The following NBPF9 variants were observed in gnomAD, a reference collection of about 807,000 sequenced individuals.
The protein encoded by NBPF9 is NBPF member 9.
Under a neutral mutation model 97.8 loss-of-function variants are expected in NBPF9, and 91 were observed. The ratio of observed to expected loss-of-function variants is 0.93; its 90% CI spans 0.79 to 1.11. The LOEUF is 1.11. NBPF9 is among the 50% of genes least tolerant of loss of function. NBPF9 has a pLI of 0.00. For missense variants in NBPF9, 992 were observed against 939.5 expected (o/e 1.06, Z -0.73); for synonymous variants, 334 against 359.5 (o/e 0.93, Z 0.80).
intron 4 of NBPF9, among the ~76,000 whole-genome samples, chr1:149,095,678 A>C (rs1368569328): frequency 6.6e-6 from 1 of 151,570 alleles, no homozygotes; most frequent in Non-Finnish European, 1.5e-5. Flanking sequence ...TAAGATATAC[A>C]GATGGCAAAT....
chr1:149,082,957 C>CTTTTTTTCTT (rs2080628789), intron 5 of NBPF9, among the ~76,000 whole-genome samples: 1 of 66,470 alleles, frequency 1.5e-5, no homozygotes, highest in Non-Finnish European at 2.6e-5. Context: ...TTTTTCTTTT[C>CTTTTTTTCTT]TTTTTTTTTT....
chr1:149,055,316 A>G, exon 30 of NBPF9: 1 of 465,344 alleles, frequency 2.1e-6, no homozygotes, highest in Non-Finnish European at 3.9e-6. Flanking sequence ...GATGACAATG[A>G]CCTTGAGCAG....
rs1416165426 is a variant in NBPF9 at position 149,064,302 on chromosome 1, A to T, written c.1853+129T>A. Reference sequence around the variant, plus strand: ...TTACTCTAATGAGAACCAAAAAGCAATGTAGTAGGCATAATTCATACTTGT... The same window carrying T: ...TTACTCTAATGAGAACCAAAAAGCATTGTAGTAGGCATAATTCATACTTGT... On this transcript the variant is annotated intron_variant, in intron 19 of 29. Coordinates refer to ENST00000584027, the Ensembl canonical transcript of NBPF9. The T allele has an allele frequency of 5.3e-6, 4 of 756,092 alleles. No individual in the cohort carries two copies. The African/African-American group carries it at 9.4e-5, about 18-fold the overall frequency. 46.8% of individuals were successfully genotyped at this position (756,092 alleles called of 1,614,324 possible).
Position 149,078,825 on chromosome 1 carries a change from T to G in NBPF9, c.493+182A>C, listed in dbSNP as rs1237805990. Among the ~76,000 whole-genome samples the G allele has an allele frequency of 8.3e-4, 125 of 150,116 alleles. 1 individual carries two copies. The highest frequency in any genetic ancestry group is 5.1e-3 in the South Asian group (24 of 4,696). ...GGGAGGAGGGACACTTGCAATACTG[T>G]GACCTCCAAACCCATGGGTTTCCCA... is the stretch of plus-strand genomic sequence containing the variant. On this transcript the variant is annotated intron_variant, in intron 9 of 29. Coordinates refer to ENST00000584027, the Ensembl canonical transcript of NBPF9.
rs1379576407 is a variant in NBPF9, at chr1:149,102,804, A to C, written c.-799T>G. ...TCAGTGACGGCTACAAACGCTCCTC[A>C]TGTGCATCCTGGACTTGGTACACCC... On this transcript the variant is annotated 5_prime_UTR_variant, in exon 2 of 30. An upstream start codon of the reference 5' UTR is lost. Coordinates refer to ENST00000584027, the Ensembl canonical transcript of NBPF9. 6.6e-6 allele frequency: 1 copy of C among 152,226 alleles called. No homozygotes were observed. Among genetic ancestry groups the C allele is most frequent in the Admixed American group, 6.5e-5 (1 of 15,306 alleles). 9.4% of individuals were successfully genotyped at this position (152,226 alleles called of 1,614,324 possible). A position where few individuals can be genotyped will look rare whatever the true frequency, so the allele number is the denominator to read the frequency against.
intron 3 of NBPF9, among the ~76,000 whole-genome samples, chr1:149,100,611 T>C (rs2082084692): frequency 1.3e-5 from 2 of 152,098 alleles, no homozygotes; most frequent in East Asian, 1.9e-4. Context: ...TAAATGGTGC[T>C]GGATCAAGCA....
rs1553656964 is a variant in NBPF9, at chr1:149,082,106, T to C, written c.34A>G (p.Lys12Glu). The change falls in exon 7 of 30, where the codon AAG becomes GAG. Residue 12 changes from lysine to glutamate, a missense_variant. Lys to Glu is a moderately conservative substitution (Grantham distance 56). Around this residue, in one of 11 missense-constraint regions of NBPF9, gnomAD observed 65 missense variants for 52.1 expected, o/e 1.25. Coordinates refer to ENST00000584027, the Ensembl canonical transcript of NBPF9. ...ATTTCTAGAATGTTCATCTCTGCCT[T>C]CTCGCTGGACCAAGGGCCGGCTGAT... 3.7e-6 allele frequency: 6 copies of C among 1,611,496 alleles called. No homozygotes were observed. In the African/African-American group the frequency reaches 4.0e-5, roughly 11 times the overall value.
At chr1:149,070,796 C>G in intron 16 of NBPF9, 138 bp downstream of exon 16, 1 of 1,489,684 alleles carries the variant, frequency 6.7e-7, no homozygotes, top group Non-Finnish European at 9.3e-7. Context: ...CTGAGAAGGA[C>G]AAAAAACTCC....
chr1:149,082,047 G>T (rs369936835), exon 7 of NBPF9: 1 of 1,611,040 alleles, frequency 6.2e-7, no homozygotes, highest in Non-Finnish European at 8.5e-7. Context: ...ACTGCTGTTT[G>T]TTCTCTGCCA....
At chr1:149,072,602 A>T in intron 14 of NBPF9, 116 bp downstream of exon 14, 4 of 1,441,434 alleles carry the variant, frequency 2.8e-6, no homozygotes, top group Non-Finnish European at 3.9e-6. Context: ...TGTCATGGCC[A>T]CATAAGCTTA....
At chr1:149,070,252 C>G (rs2079292400) in intron 16 of NBPF9, among the ~76,000 whole-genome samples, 1 of 146,870 alleles carries the variant, frequency 6.8e-6, no homozygotes, top group African/African-American at 2.5e-5. Context: ...ATCTGGGAGG[C>G]AGAGGTTGCA....
intron 10 of NBPF9, 94 bp from the exon 11 acceptor site, chr1:149,077,513 G>T: frequency 6.4e-7 from 1 of 1,563,076 alleles, no homozygotes. Context: ...GCGGCATTAA[G>T]AGAGTGGTTC....
Position 149,070,938 on chromosome 1 carries a change from A to G in NBPF9, c.1581T>C (p.Ile527=), listed in dbSNP as rs587647349. 158 of 1,612,518 alleles carry G rather than the reference A, an allele frequency of 9.8e-5. 1 individual carries two copies. In the African/African-American group the frequency reaches 1.8e-3, roughly 18 times the overall value. The stretch of plus-strand genomic sequence containing the variant: ...CACAAGGAAAACAGAGGCTACCTGG[A>G]ATAATGTGTACAGCATCTTCCCGTT... The change falls in exon 16 of 30, where the codon ATT becomes ATC. Residue 527 remains isoleucine (I), a synonymous_variant. Coordinates refer to ENST00000584027, the Ensembl canonical transcript of NBPF9.
chr1:149,055,947 C>G, intron 29 of NBPF9, 48 bp from the exon 30 acceptor site: 4 of 1,611,772 alleles, frequency 2.5e-6, no homozygotes, highest in Non-Finnish European at 3.4e-6. Context: ...AAATCAGACA[C>G]CACAGAGCCC....
At chr1:149,064,987 A>T (rs2078940308) in intron 18 of NBPF9, 1 of 540,752 alleles carries the variant, frequency 1.8e-6, no homozygotes, top group Admixed American at 3.2e-5. Context: ...TATCTAGAAA[A>T]CATACCAGGA....
exon 6 of NBPF9, chr1:149,082,400 G>C: frequency 1.8e-6 from 2 of 1,097,322 alleles, no homozygotes; most frequent in Non-Finnish European, 2.6e-6. Context: ...TAAGAGTGAG[G>C]TAGATTGTGG....
chr1:149,092,840 TATC>T (rs2081494397), intron 4 of NBPF9: 1 of 826,594 alleles, frequency 1.2e-6, no homozygotes, highest in Non-Finnish European at 1.5e-6. Flanking sequence ...GCTTTACTAT[TATC>T]AATCACATTT....
Position 149,072,958 on chromosome 1 carries a change from T to G in NBPF9, c.1092-26A>C, listed in dbSNP as rs782333968. ...CTAAGGTGAGATGGTAGAGAAAAAT[T>G]AAGAGTGGAAAGGGTTGAGTGATCC... On this transcript the variant is annotated intron_variant, in intron 13 of 29. Transcript: ENST00000584027. 8 of 1,602,896 alleles carry G rather than the reference T, an allele frequency of 5.0e-6. No homozygotes were observed. The East Asian group carries it at 1.6e-4, about 31-fold the overall frequency.
Position 149,059,980 on chromosome 1 carries a change from T to A in NBPF9, c.2477-172A>T, listed in dbSNP as rs1178580346. On this transcript the variant is annotated intron_variant, in intron 24 of 29. Coordinates refer to ENST00000584027, the Ensembl canonical transcript of NBPF9. ...GCTGGTTATGATAGAAATTCCTCAG[T>A]TTTTCTCCCAGAAACTGTGGGTAAA... is the stretch of plus-strand genomic sequence containing the variant. The A allele has an allele frequency of 7.3e-6, 3 of 410,448 alleles. 1 individual carries two copies. The highest frequency in any genetic ancestry group is 5.7e-5 in the East Asian group (2 of 35,294). The allele number at this position is 410,448 out of a possible 1,614,324, so 25.4% of individuals were successfully genotyped here. A position where few individuals can be genotyped will look rare whatever the true frequency, so the allele number is the denominator to read the frequency against.
Sources: gnomAD v4.1 joint callset for allele counts (sites outside exome capture counted in the v4.1 genomes callset) on GRCh38, gnomAD v4.1.1 for gene constraint, gnomAD v4.1.1 regional missense constraint, MANE v1.5 for transcripts, NCBI Gene and HGNC (gene_info 2026-07-23, HGNC 2026-07-21) for gene names.